The following TMEM135 variants were observed in gnomAD, a reference collection of about 807,000 sequenced individuals.
TMEM135 encodes the protein transmembrane protein 135.
TMEM135 carries 30 observed loss-of-function variants against 60.3 expected under a neutral mutation model. The ratio of observed to expected loss-of-function variants is 0.50; its 90% CI spans 0.37 to 0.68. The LOEUF is 0.68. TMEM135 is among the 30% of genes least tolerant of loss of function. The probability of loss-of-function intolerance (pLI) is 0.00; values close to 1 mark genes in which losing one functional copy is unlikely to be tolerated. For synonymous variants in TMEM135, 190 were observed against 186.7 expected (o/e 1.02, Z -0.14); for missense variants, 468 against 548.8 (o/e 0.85, Z 1.47).
Position 87,309,539 on chromosome 11 carries a change from T to C in TMEM135, c.803T>C (p.Ile268Thr). 1 of 1,613,884 alleles carries C rather than the reference T, an allele frequency of 6.2e-7. No individual in the cohort carries two copies. Among genetic ancestry groups the C allele is most frequent in the South Asian group, 1.1e-5 (1 of 91,076 alleles). Reference sequence around the variant, plus strand: ...AGAATGTTTAGCGTGGGGTACTTGATCCAGTGCTGCCTCCGAATCCCTTCT... The same window carrying C: ...AGAATGTTTAGCGTGGGGTACTTGACCCAGTGCTGCCTCCGAATCCCTTCT... ...FIRMFSVGYL[I>T]QCCLRIPSAF... The change falls in exon 10 of 15, where the codon ATC becomes ACC. Residue 268 changes from isoleucine (I) to threonine (T), a missense_variant. Physicochemically the swap from Ile to Thr is moderately conservative, Grantham distance 89. Transcript: ENST00000305494.
chr11:87,245,781 C>T (rs1430945782), intron 6 of TMEM135, among the ~76,000 whole-genome samples: 2 of 104,152 alleles, frequency 1.9e-5, no homozygotes, highest in Non-Finnish European at 4.3e-5. Flanking sequence ...GTACAGCACA[C>T]TGATGGGTCT....
At chr11:87,043,206 C>T (rs1184500351) in intron 1 of TMEM135, among the ~76,000 whole-genome samples, 1 of 151,924 alleles carries the variant, frequency 6.6e-6, no homozygotes, top group Non-Finnish European at 1.5e-5. Flanking sequence ...CCACCTGCCT[C>T]AGCCTCCCAA....
rs542909364 is a variant in TMEM135, at chr11:87,073,293, A to C, written c.362+1678A>C. 8.7e-4 allele frequency among the ~76,000 whole-genome samples: 132 copies of C among 152,300 alleles called. 1 individual carries two copies. The highest frequency in any genetic ancestry group is 5.7e-4 in the Non-Finnish European group (39 of 68,006). ...TGTGATCCGCCCACCTCGGCCTCCC[A>C]AAGTGCTGGGATTAGAGGTGTGAGC... On this transcript the variant is annotated intron_variant, in intron 3 of 14. Coordinates refer to ENST00000305494, the MANE Select transcript of TMEM135 (RefSeq NM_022918.4).
At chr11:87,118,463 T>G in intron 4 of TMEM135, among the ~76,000 whole-genome samples, 1 of 152,104 alleles carries the variant, frequency 6.6e-6, no homozygotes. Context: ...TTTTTTTCTT[T>G]TTTGAGACGG....
At chr11:87,118,401 A>G (rs1398000870) in intron 4 of TMEM135, among the ~76,000 whole-genome samples, 1 of 151,584 alleles carries the variant, frequency 6.6e-6, no homozygotes, top group African/African-American at 2.4e-5. Flanking sequence ...TAGTATAGCC[A>G]CCTTCATCAA....
chr11:87,144,214 A>G (rs1236241314), intron 4 of TMEM135, among the ~76,000 whole-genome samples: 1 of 152,204 alleles, frequency 6.6e-6, no homozygotes, highest in Non-Finnish European at 1.5e-5. Context: ...AAAAAAACAA[A>G]CAGGTAAATA....
intron 5 of TMEM135, among the ~76,000 whole-genome samples, chr11:87,228,157 G>A (rs997173746): frequency 1.3e-5 from 2 of 152,112 alleles, no homozygotes; most frequent in African/African-American, 2.4e-5. Context: ...ATTGGAATAT[G>A]CCTGCATTTC....
chr11:87,312,656 A>G (rs920994137), intron 10 of TMEM135, among the ~76,000 whole-genome samples: 4 of 151,882 alleles, frequency 2.6e-5, no homozygotes, highest in Admixed American at 2.6e-4. Context: ...ATCACACTAT[A>G]ATTAGAACTT....
chr11:87,041,079 A>G (rs1949746415), intron 1 of TMEM135, among the ~76,000 whole-genome samples: 1 of 152,220 alleles, frequency 6.6e-6, no homozygotes, highest in South Asian at 2.1e-4. Context: ...ATTGTCTATA[A>G]CAGAACGTTT....
At chr11:87,064,018 A>G (rs558659681) in intron 1 of TMEM135, among the ~76,000 whole-genome samples, 1 of 152,304 alleles carries the variant, frequency 6.6e-6, no homozygotes, top group South Asian at 2.1e-4. Context: ...GTTATGGGGT[A>G]CACATTTAAT....
chr11:87,085,514 TG>T (rs1189764951), intron 3 of TMEM135, among the ~76,000 whole-genome samples: 1 of 152,170 alleles, frequency 6.6e-6, no homozygotes, highest in Non-Finnish European at 1.5e-5. Flanking sequence ...TCCAGCACTT[TG>T]GGAGGCCGAG....
At chr11:87,293,319 C>T (rs1212606273) in intron 6 of TMEM135, among the ~76,000 whole-genome samples, 1 of 152,020 alleles carries the variant, frequency 6.6e-6, no homozygotes. Flanking sequence ...TTACATTTCT[C>T]ACTGTTAACA....
In TMEM135 at chr11:87,163,524, A is replaced by G. The variant is rs1371074439; in HGVS notation, c.462+6118A>G. On this transcript the variant is annotated intron_variant, in intron 5 of 14. Coordinates refer to ENST00000305494, the MANE Select transcript of TMEM135 (RefSeq NM_022918.4). ...AGTGTGCATGTGTCTTTATAGCAGC[A>G]TGATTTATAGTCCTTTGGGTATGTA... 5.3e-5 allele frequency among the ~76,000 whole-genome samples: 8 copies of G among 152,166 alleles called. No individual in the cohort carries two copies. The East Asian group carries it at 1.5e-3, about 29-fold the overall frequency.
intron 5 of TMEM135, among the ~76,000 whole-genome samples, chr11:87,229,671 C>T (rs749215099): frequency 6.6e-6 from 1 of 152,146 alleles, no homozygotes; most frequent in Non-Finnish European, 1.5e-5. Flanking sequence ...TGCATCCACT[C>T]TGATTCATAG....
chr11:87,243,091 AC>A (rs1422684364), intron 6 of TMEM135, among the ~76,000 whole-genome samples: 1 of 117,432 alleles, frequency 8.5e-6, no homozygotes, highest in East Asian at 2.1e-4. Flanking sequence ...TTTTCCCAGC[AC>A]CATTTATTAA....
At chr11:87,130,304 A>G (rs1937884735) in intron 4 of TMEM135, among the ~76,000 whole-genome samples, 1 of 152,118 alleles carries the variant, frequency 6.6e-6, no homozygotes, top group Non-Finnish European at 1.5e-5. Context: ...ATGCTTATCA[A>G]TAAATTCTAT....
At chr11:87,196,149 A>T (rs1234022156) in intron 5 of TMEM135, among the ~76,000 whole-genome samples, 3 of 152,182 alleles carry the variant, frequency 2.0e-5, no homozygotes, top group Non-Finnish European at 4.4e-5. Context: ...TTTGAGTGAG[A>T]GAGTAAAATT....
chr11:87,276,805 A>T (rs1273171755), intron 6 of TMEM135, among the ~76,000 whole-genome samples: 1 of 149,424 alleles, frequency 6.7e-6, no homozygotes, highest in East Asian at 2.0e-4. Flanking sequence ...AGTAGTGGGG[A>T]TTACTGGCAT....
At chr11:87,039,470 G>T (rs1425631784) in intron 1 of TMEM135, among the ~76,000 whole-genome samples, 1 of 152,184 alleles carries the variant, frequency 6.6e-6, no homozygotes, top group Admixed American at 6.5e-5. Flanking sequence ...GCCAGTAATT[G>T]TTATTGGAGC....
Sources: gnomAD v4.1 joint callset for allele counts (sites outside exome capture counted in the v4.1 genomes callset) on GRCh38, gnomAD v4.1.1 for gene constraint, MANE v1.5 for transcripts, NCBI Gene and HGNC (gene_info 2026-07-23, HGNC 2026-07-21) for gene names.